The following GRM1 variants were observed in gnomAD, a reference collection of about 807,000 sequenced individuals.
The protein encoded by GRM1 is metabotropic glutamate receptor 1.
In GRM1, 33 loss-of-function variants were observed where a neutral mutation model predicts 90.9. That is an observed-to-expected ratio of 0.36 (90% CI 0.28 to 0.49). GRM1 has a LOEUF of 0.49. Ranked by LOEUF, GRM1 falls within the 20% of genes least tolerant of loss-of-function variation. The pLI is 0.99. For synonymous variants in GRM1, 700 were observed against 613.2 expected, an observed-to-expected ratio of 1.14 and a Z score of -2.09; for missense variants, 1,190 against 1,534.3, an observed-to-expected ratio of 0.78 and a Z score of 3.75.
chr6:146,386,569 TA>T (rs1776512588), intron 5 of GRM1, among the ~76,000 whole-genome samples: 1 of 151,996 alleles, frequency 6.6e-6, no homozygotes, highest in Non-Finnish European at 1.5e-5. Flanking sequence ...TTTTTGAGAG[TA>T]ATAAATATTA....
intron 1 of GRM1, among the ~76,000 whole-genome samples, chr6:146,060,535 A>G (rs923380304): frequency 1.3e-5 from 2 of 152,320 alleles, no homozygotes; most frequent in South Asian, 4.1e-4. Context: ...CTCACTTAAG[A>G]TAATGGCCTC....
intron 1 of GRM1, among the ~76,000 whole-genome samples, chr6:146,109,534 G>A (rs1182519743): frequency 6.6e-6 from 1 of 152,200 alleles, no homozygotes; most frequent in Non-Finnish European, 1.5e-5. Flanking sequence ...TAGGGACAGG[G>A]TCCTCATGGA....
At chr6:146,191,583 G>T (rs904287693) in intron 2 of GRM1, among the ~76,000 whole-genome samples, 1 of 152,060 alleles carries the variant, frequency 6.6e-6, no homozygotes, top group African/African-American at 2.4e-5. Context: ...ATCTACAAGG[G>T]GTCACACTTG....
intron 1 of GRM1, among the ~76,000 whole-genome samples, chr6:146,040,077 T>C (rs1315311007): frequency 6.6e-6 from 1 of 151,836 alleles, no homozygotes; most frequent in Non-Finnish European, 1.5e-5. Flanking sequence ...AAAAAGATGG[T>C]CAAGGGCAGT....
intron 2 of GRM1, among the ~76,000 whole-genome samples, chr6:146,225,318 T>A (rs1403146043): frequency 6.6e-6 from 1 of 152,154 alleles, no homozygotes; most frequent in Non-Finnish European, 1.5e-5. Flanking sequence ...CTTGAAGATC[T>A]CTCACTAGTT....
chr6:146,259,974 T>TTATATA (rs942097311), intron 2 of GRM1, among the ~76,000 whole-genome samples: 40 of 145,228 alleles, frequency 2.8e-4, no homozygotes, highest in Admixed American at 2.4e-3. Flanking sequence ...ATATATATAT[T>TTATATA]TATATATATA....
Position 146,434,682 on chromosome 6 carries a change from G to T in GRM1, c.3471G>T (p.Ser1157=), listed in dbSNP as rs767868364. ...CGCCTTTCCGCGACTCGGTGGCCTC[G>T]GGCAGCTCGGTGCCCAGCTCCCCCG... ...PPSPFRDSVA[S]GSSVPSSPVS... Residue 1157 remains serine, a synonymous_variant, in exon 8 of 8, where the codon TCG becomes TCT. Coordinates refer to ENST00000282753, the MANE Select transcript of GRM1 (RefSeq NM_001278064.2). 2 of 1,605,918 alleles carry T rather than the reference G, an allele frequency of 1.2e-6. No homozygotes were observed.
intron 2 of GRM1, among the ~76,000 whole-genome samples, chr6:146,284,235 G>T (rs752832658): frequency 7.9e-5 from 12 of 152,142 alleles, no homozygotes; most frequent in Non-Finnish European, 1.6e-4. Context: ...ATAATATGAA[G>T]ACACCAGTTT....
At chr6:146,314,357 A>G (rs1322287111) in intron 3 of GRM1, among the ~76,000 whole-genome samples, 1 of 151,814 alleles carries the variant, frequency 6.6e-6, no homozygotes, top group African/African-American at 2.4e-5. Flanking sequence ...ACAACACTTA[A>G]CTCCTATTAA....
intron 3 of GRM1, among the ~76,000 whole-genome samples, chr6:146,322,692 G>A (rs1252895693): frequency 6.6e-6 from 1 of 151,806 alleles, no homozygotes; most frequent in Non-Finnish European, 1.5e-5. Flanking sequence ...ATGTTGGTGT[G>A]CTGCACCCAT....
intron 2 of GRM1, among the ~76,000 whole-genome samples, chr6:146,270,003 A>G (rs1352510392): frequency 1.3e-5 from 2 of 151,880 alleles, no homozygotes; most frequent in South Asian, 2.1e-4. Flanking sequence ...ATCAATTTGC[A>G]TAAAATTCAG....
intron 1 of GRM1, among the ~76,000 whole-genome samples, chr6:146,117,580 CTTCTT>C (rs1348052513): frequency 6.6e-6 from 1 of 151,812 alleles, no homozygotes; most frequent in African/African-American, 2.4e-5. Flanking sequence ...CATTTTATGA[CTTCTT>C]TTTTTTGTTT....
intron 6 of GRM1, among the ~76,000 whole-genome samples, chr6:146,392,247 C>T (rs1420012809): frequency 6.6e-6 from 1 of 152,126 alleles, no homozygotes; most frequent in Non-Finnish European, 1.5e-5. Flanking sequence ...CCCTAGCTAA[C>T]CCAAAGCCAA....
chr6:146,057,958 T>C (rs1775536405), intron 1 of GRM1, among the ~76,000 whole-genome samples: 1 of 152,112 alleles, frequency 6.6e-6, no homozygotes, highest in South Asian at 2.1e-4. Flanking sequence ...GAGATTTTGG[T>C]GCACCCATCA....
intron 2 of GRM1, among the ~76,000 whole-genome samples, chr6:146,219,052 G>T (rs776190850): frequency 6.6e-6 from 1 of 152,052 alleles, no homozygotes; most frequent in Non-Finnish European, 1.5e-5. Context: ...CAAATCCCTT[G>T]ATTGCTCAAG....
intron 7 of GRM1, among the ~76,000 whole-genome samples, chr6:146,415,082 C>G (rs1777727905): frequency 6.6e-6 from 1 of 152,132 alleles, no homozygotes; most frequent in African/African-American, 2.4e-5. Flanking sequence ...GACTGGGTGG[C>G]TTATATACCA....
chr6:146,099,053 A>G (rs757803266), intron 1 of GRM1, among the ~76,000 whole-genome samples: 17 of 152,220 alleles, frequency 1.1e-4, no homozygotes, highest in Non-Finnish European at 2.1e-4. Context: ...AAAAGTACAT[A>G]CAACCCATAT....
intron 5 of GRM1, among the ~76,000 whole-genome samples, chr6:146,361,883 G>C (rs1236682059): frequency 6.6e-6 from 1 of 152,110 alleles, no homozygotes; most frequent in African/African-American, 2.4e-5. Context: ...TTTTTCAATA[G>C]CTCACAATAA....
Position 146,093,920 on chromosome 6 carries a change from T to C in GRM1, c.700+63703T>C, listed in dbSNP as rs17075663. On this transcript the variant is annotated intron_variant, in intron 1 of 7. Transcript: ENST00000282753. ...TGAATATTAAAACTGTATTAAGAAG[T>C]CTCAGAGTTCATATCATATCAGGCC... Among the ~76,000 whole-genome samples the C allele has an allele frequency of 3.9e-3, 599 of 152,166 alleles. 17 individuals carry two copies. The East Asian group carries it at 0.069, about 18-fold the overall frequency.
Sources: allele counts gnomAD v4.1 joint callset (sites outside exome capture counted in the v4.1 genomes callset), GRCh38; gene constraint gnomAD v4.1.1; transcripts MANE v1.5; gene names NCBI Gene and HGNC (gene_info 2026-07-23, HGNC 2026-07-21).